ANKUB1: variants seen among roughly 807,000 people sequenced by gnomAD.
The protein encoded by ANKUB1 is ankyrin repeat and ubiquitin domain containing 1.
A neutral mutation model predicts 49.3 loss-of-function variants in ANKUB1; 42 were observed. The observed-to-expected ratio is 0.85, with a 90% CI of 0.67 to 1.10. The LOEUF (loss-of-function observed/expected upper bound fraction) is 1.10. Ranked by LOEUF, ANKUB1 falls within the 50% of genes least tolerant of loss-of-function variation. The pLI, the probability that ANKUB1 is intolerant of heterozygous loss-of-function variation, is 0.00. For synonymous variants in ANKUB1, 222 were observed against 231.0 expected (o/e 0.96, Z 0.35); for missense variants, 613 against 642.0 (o/e 0.95, Z 0.49).
intron 2 of ANKUB1, among the ~76,000 whole-genome samples, chr3:149,785,309 G>T (rs4681191): frequency 1.8e-4 from 28 of 151,992 alleles, no homozygotes; most frequent in African/African-American, 6.0e-4. Context: ...TGTGCACAAC[G>T]TGCAGGTTTG....
chr3:149,781,510 C>T (rs980918765), intron 2 of ANKUB1, among the ~76,000 whole-genome samples: 2 of 152,164 alleles, frequency 1.3e-5, no homozygotes, highest in Admixed American at 6.5e-5. Context: ...CCCATGAATG[C>T]GGGACTCTCT....
At chr3:149,787,414 G>C (rs1175723502) in intron 2 of ANKUB1, among the ~76,000 whole-genome samples, 3 of 152,176 alleles carry the variant, frequency 2.0e-5, no homozygotes, top group African/African-American at 7.2e-5. Context: ...TTTGCACATT[G>C]ATTTTGTATC....
intron 5 of ANKUB1, among the ~76,000 whole-genome samples, chr3:149,763,332 T>C (rs1281002141): frequency 6.6e-6 from 1 of 152,222 alleles, no homozygotes; most frequent in Admixed American, 6.5e-5. Context: ...ATTCTCTCCC[T>C]GGCATTTGAA....
chr3:149,775,841 G>A (rs1309424271), intron 3 of ANKUB1, among the ~76,000 whole-genome samples: 1 of 152,112 alleles, frequency 6.6e-6, no homozygotes, highest in African/African-American at 2.4e-5. Context: ...TTCAGAGCTA[G>A]AAGCAGGTCT....
intron 3 of ANKUB1, among the ~76,000 whole-genome samples, chr3:149,775,683 G>C (rs1717561099): frequency 6.6e-6 from 1 of 152,104 alleles, no homozygotes; most frequent in African/African-American, 2.4e-5. Flanking sequence ...TGTAAAGAAA[G>C]GCATTAATTC....
intron 2 of ANKUB1, among the ~76,000 whole-genome samples, chr3:149,788,858 C>A (rs1005958733): frequency 6.6e-6 from 1 of 151,888 alleles, no homozygotes; most frequent in Non-Finnish European, 1.5e-5. Context: ...CTCACTGTAA[C>A]CTCCACCTCC....
intron 5 of ANKUB1, chr3:149,766,487 G>T: frequency 5.1e-6 from 1 of 195,842 alleles, no homozygotes; most frequent in Admixed American, 5.4e-5. Flanking sequence ...ACAAAGAAGT[G>T]GAAGAGGAGG....
chr3:149,786,023 T>TTTTA lies in ANKUB1; in HGVS notation c.234+4754_234+4757dup, dbSNP rs575224030. Among the ~76,000 whole-genome samples, 311 of 151,830 alleles carry TTTTA rather than the reference T, an allele frequency of 2.0e-3. 1 individual carries two copies. The highest frequency in any genetic ancestry group is 6.3e-3 in the African/African-American group (262 of 41,448). ...TCTCTGATGGCCAGTGATGATGAGCTTTTATTTATTTATTTATTTATTTAT... is the reference window on the plus strand; with the variant it reads ...TCTCTGATGGCCAGTGATGATGAGCTTTTATTTATTTATTTATTTATTTATTTAT... On this transcript the variant is annotated intron_variant, in intron 2 of 5. Transcript: ENST00000446160.
intron 2 of ANKUB1, among the ~76,000 whole-genome samples, chr3:149,789,629 T>TC (rs1265302740): frequency 1.0e-5 from 1 of 95,996 alleles, no homozygotes; most frequent in Non-Finnish European, 2.1e-5. Context: ...TGAAGAATAT[T>TC]CTTTTTTTTT....
intron 2 of ANKUB1, among the ~76,000 whole-genome samples, chr3:149,782,488 T>C (rs540912359): frequency 2.3e-4 from 35 of 152,282 alleles, no homozygotes; most frequent in African/African-American, 7.7e-4. Flanking sequence ...AAGATAAGCA[T>C]GTATAACTTA....
chr3:149,780,389 T>G lies in ANKUB1; in HGVS notation c.301A>C (p.Ser101Arg). 6.4e-7 allele frequency: 1 copy of G among 1,552,214 alleles called. No homozygotes were observed. The highest frequency in any genetic ancestry group is 8.7e-7 in the Non-Finnish European group (1 of 1,147,094). ...VTQDTMPVME[S>R]ISLLDKTVSD... is the part of the protein sequence containing the mutation. ...ACTGTTTTATCAAGAAGGGAAATGC[T>G]CTCCATTACTGGCATTGTGTCTTGA... The change falls in exon 3 of 6, where the codon AGC becomes CGC. Residue 101 changes from serine to arginine, a missense_variant. Transcript: ENST00000446160.
chr3:149,787,545 A>G (rs1718162774), intron 2 of ANKUB1, among the ~76,000 whole-genome samples: 2 of 152,084 alleles, frequency 1.3e-5, no homozygotes, highest in Admixed American at 1.3e-4. Context: ...TCTTTTCCTA[A>G]TTGAATACCC....
intron 5 of ANKUB1, chr3:149,763,814 C>T (rs1355501735): frequency 4.7e-6 from 2 of 429,152 alleles, no homozygotes; most frequent in Non-Finnish European, 9.4e-6. Flanking sequence ...ATTTACTCAC[C>T]AACCCAAACC....
Position 149,767,274 on chromosome 3 carries a change from G to C in ANKUB1, c.1388C>G (p.Ser463Trp). 2 of 1,551,638 alleles carry C rather than the reference G, an allele frequency of 1.3e-6. No individual in the cohort carries two copies. Among genetic ancestry groups the C allele is most frequent in the African/African-American group, 2.7e-5 (2 of 73,160 alleles). The stretch of plus-strand genomic sequence containing the variant: ...AGCACTGGGTGTTGCATAGAAAAAC[G>C]ATGGATGTGAATATCCCACTCTTGA... ...PVSRVGYSHP[S>W]FFYATPSADF... Residue 463 changes from serine to tryptophan, a missense_variant, in exon 5 of 6, where the codon TCG (serine) becomes TGG (tryptophan). Physicochemically the swap from Ser to Trp is radical, Grantham distance 177 (BLOSUM62 -3). Coordinates refer to ENST00000446160, the MANE Select transcript of ANKUB1 (RefSeq NM_001144960.3).
At chr3:149,792,227 C>T (rs1188875954) in intron 1 of ANKUB1, 50 bp downstream of exon 1, 2 of 1,321,664 alleles carry the variant, frequency 1.5e-6, no homozygotes, top group Non-Finnish European at 2.0e-6. Flanking sequence ...AAATGCACTG[C>T]ATTGTTAAAA....
chr3:149,789,406 G>A (rs931716341), intron 2 of ANKUB1, among the ~76,000 whole-genome samples: 1 of 151,988 alleles, frequency 6.6e-6, no homozygotes, highest in Admixed American at 6.6e-5. Flanking sequence ...AACCTAGTAT[G>A]GAAATATATT....
intron 3 of ANKUB1, chr3:149,778,463 C>T (rs1453818203): frequency 6.6e-6 from 1 of 152,154 alleles, no homozygotes. Context: ...CTTAAAACGT[C>T]ACATTATAAT....
chr3:149,764,510 C>T (rs1407781844), intron 5 of ANKUB1, among the ~76,000 whole-genome samples: 1 of 152,016 alleles, frequency 6.6e-6, no homozygotes, highest in Non-Finnish European at 1.5e-5. Flanking sequence ...GACTGACCAC[C>T]ACTCCCCCTA....
At chr3:149,791,500 A>G (rs1372251858) in intron 1 of ANKUB1, among the ~76,000 whole-genome samples, 1 of 152,296 alleles carries the variant, frequency 6.6e-6, no homozygotes, top group East Asian at 1.9e-4. Flanking sequence ...TATAGACATC[A>G]CCAGACTTCC....
Sources: gnomAD v4.1 joint callset for allele counts (sites outside exome capture counted in the v4.1 genomes callset) on GRCh38, gnomAD v4.1.1 for gene constraint, MANE v1.5 for transcripts, NCBI Gene and HGNC (gene_info 2026-07-23, HGNC 2026-07-21) for gene names.